Variants in ZNF484 observed in about 807,000 individuals in gnomAD.
ZNF484 encodes KRAB box containing C2H2 type zinc finger bA526D8.4.
In ZNF484, 11 loss-of-function variants were observed where a neutral mutation model predicts 12.9. The observed-to-expected ratio is 0.85, with a 90% confidence interval of 0.54 to 1.41. The LOEUF is 1.41. Among genes scored for constraint, ZNF484 ranks in the 40% most tolerant of loss-of-function variants. The pLI is 0.00. For synonymous variants in ZNF484, 289 were observed against 334.1 expected (o/e 0.86, Z 1.47); for missense variants, 807 against 1,007.7 (o/e 0.80, Z 2.70).
rs781253209 is a variant in ZNF484, at chr9:92,848,355, C to T, written c.432G>A (p.Lys144=). 6.2e-7 allele frequency: 1 copy of T among 1,614,074 alleles called. No homozygotes were observed. Among genetic ancestry groups the T allele is most frequent in the Non-Finnish European group, 8.5e-7 (1 of 1,180,004 alleles). ...KPLSRVVFIN[K]KTLANDSIFE... Reference sequence around the variant, plus strand: ...AGATGCTGTCATTAGCTAGTGTTTTCTTGTTAATGAAGACAACACGACTTA... The same window carrying T: ...AGATGCTGTCATTAGCTAGTGTTTTTTTGTTAATGAAGACAACACGACTTA... Residue 144 remains lysine (K), a synonymous_variant, in exon 5 of 5, where the codon AAG becomes AAA. Transcript: ENST00000375495. This position sits in a 1 kb window ranked among gnomAD's most constrained non-coding sequence, Gnocchi z 4.1.
At chr9:92,863,449 A>C (rs1177134823) in intron 2 of ZNF484, among the ~76,000 whole-genome samples, 1 of 152,186 alleles carries the variant, frequency 6.6e-6, no homozygotes, top group Non-Finnish European at 1.5e-5. Context: ...GACTATCAAG[A>C]AACAGCAGGG....
intron 2 of ZNF484, 81 bp downstream of exon 2, chr9:92,874,934 T>C: frequency 2.3e-6 from 3 of 1,318,450 alleles, no homozygotes; most frequent in Admixed American, 2.0e-5. Context: ...CATCTTACTA[T>C]AGGGATTGTT....
intron 2 of ZNF484, among the ~76,000 whole-genome samples, chr9:92,860,779 C>T (rs1011685926): frequency 6.6e-6 from 1 of 152,112 alleles, no homozygotes; most frequent in Non-Finnish European, 1.5e-5. Flanking sequence ...GGTAGCACCC[C>T]TCTTGCCTCT....
Position 92,847,488 on chromosome 9 carries a change from A to G in ZNF484, c.1299T>C (p.Ile433=). 1 of 1,612,758 alleles carries G rather than the reference A, an allele frequency of 6.2e-7. No homozygotes were observed. Among genetic ancestry groups the G allele is most frequent in the South Asian group, 1.1e-5 (1 of 90,726 alleles). Residue 433 remains isoleucine, a synonymous_variant, in exon 5 of 5, where the codon ATT becomes ATC. Transcript: ENST00000375495. ...RKSHFITHER[I]HTGEKPYECS... ...ATTCATAGGGTTTTTCTCCAGTATGAATTCTTTCATGTGTGATAAAATGTG... is the reference window on the plus strand; with the variant it reads ...ATTCATAGGGTTTTTCTCCAGTATGGATTCTTTCATGTGTGATAAAATGTG...
chr9:92,850,898 A>G (rs1241938051), intron 4 of ZNF484, among the ~76,000 whole-genome samples: 2 of 152,074 alleles, frequency 1.3e-5, no homozygotes, highest in African/African-American at 2.4e-5. Flanking sequence ...TGTCTGGCCT[A>G]TGGTTCAATT....
chr9:92,844,386 C>T lies in ZNF484; in HGVS notation c.*1842G>A, dbSNP rs79872960. On this transcript the variant is annotated 3_prime_UTR_variant, in exon 5 of 5. Coordinates refer to ENST00000375495, the MANE Select transcript of ZNF484 (RefSeq NM_031486.4). ...AATAGATAATAGCTAGGAATTTCCC[C>T]AAATGCACATGTGCACACACGTACA... Among the ~76,000 whole-genome samples the T allele has an allele frequency of 6.6e-6, 1 of 152,080 alleles. No individual in the cohort carries two copies. The highest frequency in any genetic ancestry group is 1.5e-5 in the Non-Finnish European group (1 of 68,008).
intron 1 of ZNF484, among the ~76,000 whole-genome samples, chr9:92,876,572 G>GTGGAATTCGATGTTAAAAAGTGTTTTTCT (rs1170336937): frequency 2.0e-5 from 3 of 152,188 alleles, no homozygotes; most frequent in Admixed American, 2.0e-4. Context: ...GAGTATCAAC[G>GTGGAATTCGATGTTAAAAAGTGTTTTTCT]TGGAATTCGA....
rs529467362 is a variant in ZNF484 at position 92,852,994 on chromosome 9, A to T, written c.235+2817T>A. Among the ~76,000 whole-genome samples the T allele has an allele frequency of 7.8e-4, 119 of 152,366 alleles. 3 individuals are homozygous for T. In the South Asian group the frequency reaches 0.024, roughly 30 times the overall value. On this transcript the variant is annotated intron_variant, in intron 4 of 4. Coordinates refer to ENST00000375495, the MANE Select transcript of ZNF484 (RefSeq NM_031486.4). The stretch of plus-strand genomic sequence containing the variant: ...AAATATGAGGCCATATTCTTTCTCT[A>T]GCTTACAAACCTACTGAGAGGAGAA...
chr9:92,864,532 C>T (rs541201608), intron 2 of ZNF484, among the ~76,000 whole-genome samples: 23 of 152,142 alleles, frequency 1.5e-4, no homozygotes, highest in East Asian at 5.8e-4. Context: ...TGTTTAAGCC[C>T]GTAATTCTTA....
chr9:92,854,889 G>A (rs1856343378), intron 4 of ZNF484, among the ~76,000 whole-genome samples: 1 of 151,536 alleles, frequency 6.6e-6, no homozygotes, highest in South Asian at 2.1e-4. Context: ...GGACCAATTT[G>A]AGAAAAAAAA....
intron 2 of ZNF484, among the ~76,000 whole-genome samples, chr9:92,867,926 G>T (rs1385769442): frequency 6.6e-6 from 1 of 152,210 alleles, no homozygotes; most frequent in East Asian, 1.9e-4. Flanking sequence ...ATAAGTGAGG[G>T]TAGTCTTAGA....
intron 4 of ZNF484, among the ~76,000 whole-genome samples, chr9:92,852,047 A>T (rs1182050656): frequency 6.6e-6 from 1 of 152,230 alleles, no homozygotes; most frequent in African/African-American, 2.4e-5. Flanking sequence ...GAAAAATTTT[A>T]AAATCTTTCT....
intron 2 of ZNF484, among the ~76,000 whole-genome samples, chr9:92,865,180 C>T (rs1449861104): frequency 6.6e-6 from 1 of 152,176 alleles, no homozygotes; most frequent in Non-Finnish European, 1.5e-5. Flanking sequence ...TGGCACATGC[C>T]TGTAATCCCA....
chr9:92,862,837 C>T (rs1195935625), intron 2 of ZNF484, among the ~76,000 whole-genome samples: 1 of 152,108 alleles, frequency 6.6e-6, no homozygotes, highest in Non-Finnish European at 1.5e-5. Flanking sequence ...ATTTGTTCAA[C>T]CATTGTGGAA....
chr9:92,868,457 T>C (rs901096652), intron 2 of ZNF484, among the ~76,000 whole-genome samples: 1 of 152,180 alleles, frequency 6.6e-6, no homozygotes, highest in East Asian at 1.9e-4. Flanking sequence ...CTCTGTAAAA[T>C]GAGAATAATG....
rs1353292993 is a variant in ZNF484 at position 92,877,934 on chromosome 9, G to T, written c.-75C>A. On this transcript the variant is annotated 5_prime_UTR_variant, in exon 1 of 5. Coordinates refer to ENST00000375495, the MANE Select transcript of ZNF484 (RefSeq NM_031486.4). Reference sequence around the variant, plus strand: ...TCTCAGGACAGTGGTCATTTGCCTCGGGAGGTGACTATAGTCGCAAGAACC... The same window carrying T: ...TCTCAGGACAGTGGTCATTTGCCTCTGGAGGTGACTATAGTCGCAAGAACC... 6.7e-7 allele frequency: 1 copy of T among 1,483,490 alleles called. No homozygotes were observed. Among genetic ancestry groups the T allele is most frequent in the African/African-American group, 1.4e-5 (1 of 72,126 alleles). 91.9% of individuals were successfully genotyped at this position (1,483,490 alleles called of 1,614,324 possible).
In ZNF484 at chr9:92,848,985, G is replaced by A. The variant is rs183251793; in HGVS notation, c.236-434C>T. Among the ~76,000 whole-genome samples the A allele has an allele frequency of 1.7e-3, 259 of 151,944 alleles. 1 individual carries two copies. The highest frequency in any genetic ancestry group is 5.7e-3 in the African/African-American group (237 of 41,466). ...TACAATAGACCTTTGATTCAGGCCG[G>A]GTGTGGTGGCTCACGCCTGTAAGCC... On this transcript the variant is annotated intron_variant, in intron 4 of 4. Transcript: ENST00000375495. The surrounding 1 kb of genome is among the most constrained non-coding windows in gnomAD (Gnocchi z 4.1).
intron 2 of ZNF484, among the ~76,000 whole-genome samples, chr9:92,864,612 T>A (rs976695928): frequency 1.3e-5 from 2 of 152,222 alleles, no homozygotes; most frequent in Non-Finnish European, 1.5e-5. Flanking sequence ...GGGTTGCAAT[T>A]ACAGACTCTT....
chr9:92,847,296 T>C lies in ZNF484; in HGVS notation c.1491A>G (p.Ile497Met). 2 of 1,614,040 alleles carry C rather than the reference T, an allele frequency of 1.2e-6. No individual in the cohort carries two copies. The highest frequency in any genetic ancestry group is 2.2e-5 in the South Asian group (2 of 91,062). ...TAAAGGCCTTACCACACACAGTACA[T>C]ATATAGGGTCTTTCTCCTGTATGAA... The part of the protein sequence containing the change: ...QKIHTGERPY[I>M]CTVCGKAFTD... The change falls in exon 5 of 5, where the codon ATA (isoleucine) becomes ATG (methionine). Residue 497 changes from isoleucine to methionine, a missense_variant. Transcript: ENST00000375495.
Sources: allele counts gnomAD v4.1 joint callset (sites outside exome capture counted in the v4.1 genomes callset), GRCh38; gene constraint gnomAD v4.1.1; non-coding constraint Gnocchi (gnomAD v3.1); transcripts MANE v1.5; gene names NCBI Gene and HGNC (gene_info 2026-07-23, HGNC 2026-07-21).